CSNK1G3: variants seen among roughly 807,000 people sequenced by gnomAD.
CSNK1G3 encodes casein kinase 1 gamma 3.
A neutral mutation model predicts 64.3 loss-of-function variants in CSNK1G3; 23 were observed. The ratio of observed to expected loss-of-function variants is 0.36; its 90% CI spans 0.26 to 0.51. The LOEUF (loss-of-function observed/expected upper bound fraction) is 0.51, where lower values mean the gene tolerates loss of function less well. Ranked by LOEUF, CSNK1G3 falls within the 20% of genes least tolerant of loss-of-function variation. The pLI, the probability that CSNK1G3 is intolerant of heterozygous loss-of-function variation, is 0.96. For synonymous variants in CSNK1G3, 158 were observed against 162.2 expected (o/e 0.97, Z 0.20); for missense variants, 357 against 510.5 (o/e 0.70, Z 2.90).
chr5:123,540,441 C>T (rs1781501255), intron 1 of CSNK1G3, among the ~76,000 whole-genome samples: 1 of 152,000 alleles, frequency 6.6e-6, no homozygotes, highest in South Asian at 2.1e-4. Flanking sequence ...GTCCAGATCA[C>T]CGATTAAAAA....
exon 2 of CSNK1G3, chr5:123,545,599 C>A: frequency 7.3e-7 from 1 of 1,376,332 alleles, no homozygotes. Context: ...CCTATTTTCA[C>A]AATACCCTGT....
At chr5:123,552,934 C>T (rs1783967285) in intron 2 of CSNK1G3, 173 bp from the exon 3 acceptor site, 5 of 398,842 alleles carry the variant, frequency 1.3e-5, no homozygotes, top group South Asian at 5.3e-5. Flanking sequence ...ATACTAAATA[C>T]ATCGAGTTGA....
At chr5:123,589,043 A>T (rs1561584316) in intron 8 of CSNK1G3, among the ~76,000 whole-genome samples, 1 of 152,180 alleles carries the variant, frequency 6.6e-6, no homozygotes, top group South Asian at 2.1e-4. Context: ...AGCCAAAAAA[A>T]ATTTACTTAA....
chr5:123,587,907 T>C (rs1292058439), intron 6 of CSNK1G3, among the ~76,000 whole-genome samples, 161 bp from the exon 7 acceptor site: 2 of 152,180 alleles, frequency 1.3e-5, no homozygotes, highest in African/African-American at 4.8e-5. Flanking sequence ...ACATTATTTA[T>C]ATAGATATAA....
intron 4 of CSNK1G3, among the ~76,000 whole-genome samples, chr5:123,566,217 A>C (rs768426814): frequency 6.6e-6 from 1 of 152,164 alleles, no homozygotes; most frequent in Non-Finnish European, 1.5e-5. Context: ...CAACATATAA[A>C]ATGAGATATT....
intron 4 of CSNK1G3, among the ~76,000 whole-genome samples, chr5:123,559,040 A>C (rs529116620): frequency 6.6e-6 from 1 of 152,328 alleles, no homozygotes; most frequent in Non-Finnish European, 1.5e-5. Flanking sequence ...CTTAGCAATT[A>C]TGAAAGCATC....
At chr5:123,573,906 G>T (rs916988808) in intron 5 of CSNK1G3, among the ~76,000 whole-genome samples, 1 of 151,028 alleles carries the variant, frequency 6.6e-6, no homozygotes, top group South Asian at 2.1e-4. Flanking sequence ...GCGGAGAGCG[G>T]TGGCGAGATC....
intron 1 of CSNK1G3, among the ~76,000 whole-genome samples, chr5:123,542,763 G>C (rs1227353382): frequency 6.6e-6 from 1 of 151,244 alleles, no homozygotes; most frequent in Admixed American, 6.6e-5. Flanking sequence ...AGTTAGTTCT[G>C]CTGTATGTCG....
chr5:123,530,900 T>G (rs1259425700), intron 1 of CSNK1G3, among the ~76,000 whole-genome samples: 1 of 152,168 alleles, frequency 6.6e-6, no homozygotes, highest in African/African-American at 2.4e-5. Flanking sequence ...ACAACCACAG[T>G]TGAGCTAATG....
At chr5:123,535,266 TA>T in intron 1 of CSNK1G3, among the ~76,000 whole-genome samples, 1 of 152,146 alleles carries the variant, frequency 6.6e-6, no homozygotes, top group East Asian at 1.9e-4. Context: ...CCATTTTATT[TA>T]TGAAGACTAA....
chr5:123,526,376 GAAGTTA>G (rs967789749), intron 1 of CSNK1G3, among the ~76,000 whole-genome samples: 3 of 152,002 alleles, frequency 2.0e-5, no homozygotes, highest in African/African-American at 7.2e-5. Context: ...TTAAATGGCA[GAAGTTA>G]AAATTAAAAT....
chr5:123,589,856 G>GT (rs1358599644), intron 8 of CSNK1G3, among the ~76,000 whole-genome samples: 2 of 152,150 alleles, frequency 1.3e-5, no homozygotes, highest in East Asian at 3.9e-4. Flanking sequence ...CTTGTGTTAT[G>GT]TTTTTGAGAT....
At chr5:123,599,701 C>A (rs1409306649) in intron 10 of CSNK1G3, among the ~76,000 whole-genome samples, 1 of 152,054 alleles carries the variant, frequency 6.6e-6, no homozygotes, top group Non-Finnish European at 1.5e-5. Flanking sequence ...ACAATCACAT[C>A]TTTCTATTCA....
chr5:123,512,955 C>T (rs1776492953), intron 1 of CSNK1G3, among the ~76,000 whole-genome samples: 1 of 151,968 alleles, frequency 6.6e-6, no homozygotes, highest in Non-Finnish European at 1.5e-5. Context: ...GGAGTGTCGC[C>T]CACGGTGCTC....
At chr5:123,570,377 A>G (rs1176270036) in intron 4 of CSNK1G3, among the ~76,000 whole-genome samples, 1 of 138,676 alleles carries the variant, frequency 7.2e-6, no homozygotes, top group Non-Finnish European at 1.5e-5. Context: ...TTTTTGAAAC[A>G]GAGTCTTGCT....
At chr5:123,614,012 G>C (rs370823440) in intron 12 of CSNK1G3, among the ~76,000 whole-genome samples, 1 of 152,132 alleles carries the variant, frequency 6.6e-6, no homozygotes, top group African/African-American at 2.4e-5. Context: ...CCTTCCTAAT[G>C]GCTTCAACAG....
At chr5:123,531,153 A>G in intron 1 of CSNK1G3, among the ~76,000 whole-genome samples, 1 of 152,156 alleles carries the variant, frequency 6.6e-6, no homozygotes, top group Admixed American at 6.5e-5. Flanking sequence ...TATGACAAGT[A>G]ACATTTGACT....
chr5:123,525,849 T>G (rs145014005), intron 1 of CSNK1G3, among the ~76,000 whole-genome samples: 1,541 of 151,084 alleles, frequency 0.01, 33 homozygotes, highest in African/African-American at 0.035. Context: ...AACAAAAAAA[T>G]TAGTCGGGCG....
In CSNK1G3 at chr5:123,613,224, T is replaced by C. The variant is rs980993159; in HGVS notation, c.1218-1118T>C. On this transcript the variant is annotated intron_variant, in intron 12 of 12. Transcript: ENST00000345990. ...TTGGTGGGAGCAGATCAGTGATTTT[T>C]TCAGTTCATACCAGACCACAGCATT... Among the ~76,000 whole-genome samples the C allele has an allele frequency of 2.0e-5, 3 of 151,856 alleles. No homozygotes were observed. The South Asian group carries it at 6.2e-4, about 32-fold the overall frequency.
Sources: gnomAD v4.1 joint callset for allele counts (sites outside exome capture counted in the v4.1 genomes callset) on GRCh38, gnomAD v4.1.1 for gene constraint, MANE v1.5 for transcripts, NCBI Gene and HGNC (gene_info 2026-07-23, HGNC 2026-07-21) for gene names.